Variants in GLI2 observed in about 807,000 individuals in gnomAD.
The protein encoded by GLI2 is transcription activator GLI2.
In GLI2, 22 loss-of-function variants were observed where a neutral mutation model predicts 78.9. The observed-to-expected ratio is 0.28, with a 90% CI of 0.20 to 0.40. The LOEUF is 0.40. Among genes scored for constraint, GLI2 ranks in the 10% least tolerant of loss-of-function variants. The pLI is 1.00. For missense variants in GLI2, 2,097 were observed against 2,213.2 expected, an observed-to-expected ratio of 0.95 and a Z score of 1.05; for synonymous variants, 974 against 963.7, an observed-to-expected ratio of 1.01 and a Z score of -0.20.
At chr2:120,765,091 C>T (rs868631721) in intron 1 of GLI2, among the ~76,000 whole-genome samples, 14 of 152,320 alleles carry the variant, frequency 9.2e-5, no homozygotes, top group Middle Eastern at 6.8e-3. Flanking sequence ...CTTCCTCCTA[C>T]CCCCTTCAGG....
At chr2:120,740,573 G>A (rs1682504229) in intron 1 of GLI2, among the ~76,000 whole-genome samples, 2 of 152,300 alleles carry the variant, frequency 1.3e-5, no homozygotes, top group African/African-American at 4.8e-5. Context: ...AAGGAAAGCC[G>A]CAAAAGGGTG....
Position 120,988,265 on chromosome 2 carries a change from C to T in GLI2, c.2300C>T (p.Pro767Leu), listed in dbSNP as rs376132749. 5 of 1,570,040 alleles carry T rather than the reference C, an allele frequency of 3.2e-6. No homozygotes were observed. The highest frequency in any genetic ancestry group is 2.4e-5 in the East Asian group (1 of 42,324). ...GGCGGCGGGCCCGCGGGGCTGCTGC[C>T]GAACCCGCGGCTGTCGGAGCTGTCC... ...SGGGGPAGLL[P>L]NPRLSELSAS... Residue 767 changes from proline (P) to leucine (L), a missense_variant, in exon 14 of 14, where the codon CCG (proline) becomes CTG (leucine). Pro to Leu is a moderately conservative substitution (Grantham distance 98, BLOSUM62 -3). This residue lies in a region of GLI2 where 1,290 missense variants were observed against 1,261.7 expected (regional missense o/e 1.02). Coordinates refer to ENST00000361492, the MANE Select transcript of GLI2 (RefSeq NM_001374353.1).
intron 2 of GLI2, among the ~76,000 whole-genome samples, chr2:120,808,889 A>T (rs1246589082): frequency 6.6e-6 from 1 of 152,172 alleles, no homozygotes. Flanking sequence ...TTGTGTCTTC[A>T]GTGGCTCGGG....
chr2:120,963,800 G>A (rs915456949), intron 5 of GLI2, among the ~76,000 whole-genome samples: 1 of 152,240 alleles, frequency 6.6e-6, no homozygotes, highest in Non-Finnish European at 1.5e-5. Flanking sequence ...TTTGTCTTCT[G>A]TAAAATGAGC....
At chr2:120,923,452 C>A (rs887185869) in intron 2 of GLI2, among the ~76,000 whole-genome samples, 5 of 152,042 alleles carry the variant, frequency 3.3e-5, no homozygotes, top group African/African-American at 1.2e-4. Context: ...CAGCAACATG[C>A]ACATACAACA....
chr2:120,808,006 C>T (rs1297601391), intron 2 of GLI2, among the ~76,000 whole-genome samples: 2 of 152,234 alleles, frequency 1.3e-5, no homozygotes, highest in South Asian at 2.1e-4. Flanking sequence ...TGTCAGAGGG[C>T]GTGGACCTCT....
chr2:120,960,565 A>T (rs908227408), intron 5 of GLI2, among the ~76,000 whole-genome samples: 4 of 152,232 alleles, frequency 2.6e-5, no homozygotes, highest in Non-Finnish European at 5.9e-5. Context: ...TGGTTCTTCA[A>T]ATGGAACTTT....
chr2:120,798,551 A>C (rs1314542299), intron 2 of GLI2, among the ~76,000 whole-genome samples: 3 of 151,964 alleles, frequency 2.0e-5, no homozygotes, highest in Non-Finnish European at 4.4e-5. Flanking sequence ...TCTAAGTGGG[A>C]GGTCATTATT....
Position 120,975,046 on chromosome 2 carries a change from T to C in GLI2, c.1254T>C (p.Tyr418=). The C allele has an allele frequency of 6.2e-7, 1 of 1,614,044 alleles. No homozygotes were observed. The highest frequency in any genetic ancestry group is 1.1e-5 in the South Asian group (1 of 91,078). The change falls in exon 9 of 14, where the codon TAT becomes TAC. Residue 418 remains tyrosine, a synonymous_variant. Transcript: ENST00000361492. The stretch of plus-strand genomic sequence containing the variant: ...AGCAGGAGGCTGAGGTGGTCATCTA[T>C]GAGACCAACTGCCACTGGGAAGACT... ...DCKQEAEVVI[Y]ETNCHWEDCT...
At chr2:120,828,058 A>G (rs1686176413) in intron 2 of GLI2, among the ~76,000 whole-genome samples, 1 of 152,228 alleles carries the variant, frequency 6.6e-6, no homozygotes, top group Admixed American at 6.5e-5. Flanking sequence ...ATTTTCCTGC[A>G]AGTTTAGAAA....
chr2:120,800,258 G>A lies in GLI2; in HGVS notation c.148+2790G>A, dbSNP rs1334039244. Among the ~76,000 whole-genome samples, 1 of 152,006 alleles carries A rather than the reference G, an allele frequency of 6.6e-6. No homozygotes were observed. Among genetic ancestry groups the A allele is most frequent in the Non-Finnish European group, 1.5e-5 (1 of 67,984 alleles). The stretch of plus-strand genomic sequence containing the variant: ...TTTTTGTTGAGGGGCCCCTCTTCTC[G>A]AGTTGTTTCTGGCAAAGACGAATCA... On this transcript the variant is annotated intron_variant, in intron 2 of 13. Transcript: ENST00000361492. This position sits in a 1 kb window ranked among gnomAD's most constrained non-coding sequence, Gnocchi z 4.1.
rs150473054 is a variant in GLI2 at position 120,804,421 on chromosome 2, G to A, written c.148+6953G>A. On this transcript the variant is annotated intron_variant, in intron 2 of 13. Transcript: ENST00000361492. Reference sequence around the variant, plus strand: ...TGCTATCATGCCAGAGGTGTTCCCGGTGGGCTGGTGTGGTCAGCTGTCTCT... The same window carrying A: ...TGCTATCATGCCAGAGGTGTTCCCGATGGGCTGGTGTGGTCAGCTGTCTCT... Among the ~76,000 whole-genome samples, 25 of 152,336 alleles carry A rather than the reference G, an allele frequency of 1.6e-4. 2 individuals are homozygous for A. The East Asian group carries it at 4.6e-3, about 28-fold the overall frequency.
intron 2 of GLI2, among the ~76,000 whole-genome samples, chr2:120,886,073 T>TTG (rs146469888): frequency 0.021 from 3,184 of 150,890 alleles, 108 homozygotes; most frequent in African/African-American, 0.072. Flanking sequence ...CAAAGTAAAT[T>TTG]TGTGTGTGTG....
In GLI2 at chr2:120,951,245, C is replaced by T. The variant is rs757479194; in HGVS notation, c.257C>T (p.Pro86Leu). ...EPHSVHGVHG[P>L]PALSGSPVIS... Reference sequence around the variant, plus strand: ...ACGGCTGCCCATTGTCTCTGCAGGCCCCCTGCCCTCAGCGGCAGCCCTGTC... The same window carrying T: ...ACGGCTGCCCATTGTCTCTGCAGGCTCCCTGCCCTCAGCGGCAGCCCTGTC... Residue 86 changes from proline to leucine, a missense_variant and splice_region_variant, in exon 4 of 14, where the codon CCC (proline) becomes CTC (leucine). Around this residue, in one of 5 missense-constraint regions of GLI2, gnomAD observed 578 missense variants for 612.0 expected, o/e 0.94. Coordinates refer to ENST00000361492, the MANE Select transcript of GLI2 (RefSeq NM_001374353.1). The T allele has an allele frequency of 5.0e-6, 8 of 1,593,262 alleles. No homozygotes were observed. The highest frequency in any genetic ancestry group is 6.9e-6 in the Non-Finnish European group (8 of 1,161,224).
intron 1 of GLI2, among the ~76,000 whole-genome samples, chr2:120,742,825 G>T (rs1682590462): frequency 6.6e-6 from 1 of 152,152 alleles, no homozygotes; most frequent in Non-Finnish European, 1.5e-5. Context: ...TGTTTTAGCT[G>T]CCATCATGAA....
chr2:120,990,002 C>T lies in GLI2; in HGVS notation c.4037C>T (p.Thr1346Ile), dbSNP rs1449022922. 5 of 1,609,534 alleles carry T rather than the reference C, an allele frequency of 3.1e-6. No homozygotes were observed. Among genetic ancestry groups the T allele is most frequent in the Admixed American group, 1.7e-5 (1 of 59,694 alleles). ...EPQTGPMGVA[T>I]AGFGLVQPRP... The stretch of plus-strand genomic sequence containing the variant: ...CAAACAGGCCCGATGGGGGTGGCTA[C>T]AGCAGGCTTTGGCCTAGTGCAGCCC... Residue 1346 changes from threonine (T) to isoleucine (I), a missense_variant, in exon 14 of 14, where the codon ACA becomes ATA. Coordinates refer to ENST00000361492, the MANE Select transcript of GLI2 (RefSeq NM_001374353.1).
chr2:120,879,640 C>T (rs919018081), intron 2 of GLI2, among the ~76,000 whole-genome samples: 25 of 152,320 alleles, frequency 1.6e-4, no homozygotes, highest in East Asian at 7.7e-4. Flanking sequence ...CCTCTGGCTG[C>T]GGCCCCACCA....
chr2:120,738,169 TTAGGCTTTTCCC>T (rs557141180), intron 1 of GLI2, among the ~76,000 whole-genome samples: 195 of 152,346 alleles, frequency 1.3e-3, no homozygotes, highest in African/African-American at 4.3e-3. Context: ...GGCTCTTTAT[TTAGGCTTTTCCC>T]AGCTTCTGGT....
chr2:120,779,545 G>A (rs1333783808), intron 1 of GLI2, among the ~76,000 whole-genome samples: 3 of 152,216 alleles, frequency 2.0e-5, no homozygotes, highest in African/African-American at 7.2e-5. Context: ...CAAGAGTTGG[G>A]AGCCATTGCC....
Sources: gnomAD v4.1 joint callset for allele counts (sites outside exome capture counted in the v4.1 genomes callset) on GRCh38, gnomAD v4.1.1 for gene constraint, gnomAD v4.1.1 regional missense constraint, Gnocchi (gnomAD v3.1) non-coding constraint, MANE v1.5 for transcripts, NCBI Gene and HGNC (gene_info 2026-07-23, HGNC 2026-07-21) for gene names.